JAKMIP2: variants seen among roughly 807,000 people sequenced by gnomAD.
JAKMIP2 encodes janus kinase and microtubule-interacting protein 2.
JAKMIP2 carries 25 observed loss-of-function variants against 115.0 expected under a neutral mutation model. The ratio of observed to expected loss-of-function variants is 0.22; its 90% CI spans 0.16 to 0.30. The LOEUF (loss-of-function observed/expected upper bound fraction) is 0.30. JAKMIP2 is among the 10% of genes least tolerant of loss of function. JAKMIP2 has a pLI of 1.00. For synonymous variants in JAKMIP2, 334 were observed against 343.6 expected (o/e 0.97, Z 0.31); for missense variants, 642 against 957.6 (o/e 0.67, Z 4.35).
rs192952664 is a variant in JAKMIP2, at chr5:147,734,669, C to T, written c.-149+47787G>A. On this transcript the variant is annotated intron_variant, in intron 1 of 21. Transcript: ENST00000616793. ...CTATAATACAAAAAAAAAAAAGGAA[C>T]GCCTTTTTGTTTTTGTATTTATTTG... Among the ~76,000 whole-genome samples, 7 of 151,260 alleles carry T rather than the reference C, an allele frequency of 4.6e-5. No individual in the cohort carries two copies. In the East Asian group the frequency reaches 1.4e-3, roughly 29 times the overall value.
intron 1 of JAKMIP2, among the ~76,000 whole-genome samples, chr5:147,690,456 T>C (rs1288703148): frequency 1.3e-5 from 2 of 150,206 alleles, no homozygotes; most frequent in Non-Finnish European, 1.5e-5. Context: ...CCAATGAGGC[T>C]AGTTGCACCT....
In JAKMIP2 at chr5:147,644,171, G is replaced by T. The variant is rs766979419; in HGVS notation, c.1111C>A (p.Leu371Met). The T allele has an allele frequency of 6.3e-7, 1 of 1,593,094 alleles. No homozygotes were observed. Among genetic ancestry groups the T allele is most frequent in the South Asian group, 1.1e-5 (1 of 88,234 alleles). The change falls in exon 7 of 22, where the codon CTG becomes ATG. Residue 371 changes from leucine (L) to methionine (M), a missense_variant. By Grantham distance (15) the Leu-to-Met change is conservative. Around this residue, in one of 6 missense-constraint regions of JAKMIP2, gnomAD observed 439 missense variants for 570.9 expected, o/e 0.77. Coordinates refer to ENST00000616793, the MANE Select transcript of JAKMIP2 (RefSeq NM_001270941.2). ...TCATTCAGAGATTTTAATTTCTTCA[G>T]GGGTGGATGGGATGTTATTTTTTCT... ...MREKITSHPP[L>M]KKLKSLNDLD...
chr5:147,594,919 T>C (rs1055817855), intron 21 of JAKMIP2, among the ~76,000 whole-genome samples: 2 of 152,146 alleles, frequency 1.3e-5, no homozygotes, highest in African/African-American at 4.8e-5. Flanking sequence ...GTATGAAATG[T>C]AACTGAAGCT....
intron 1 of JAKMIP2, among the ~76,000 whole-genome samples, chr5:147,734,951 T>G (rs1002509173): frequency 6.6e-6 from 1 of 152,136 alleles, no homozygotes; most frequent in Non-Finnish European, 1.5e-5. Flanking sequence ...TAGACACCTA[T>G]TTAAGAGTGA....
intron 1 of JAKMIP2, among the ~76,000 whole-genome samples, chr5:147,781,276 TACA>T (rs147286691): frequency 0.017 from 2,638 of 152,252 alleles, 95 homozygotes; most frequent in African/African-American, 0.061. Flanking sequence ...AGACCCTTAA[TACA>T]ACATCTGAGA....
rs528153522 is a variant in JAKMIP2 at position 147,690,969 on chromosome 5, G to A, written c.-148-19015C>T. Among the ~76,000 whole-genome samples the A allele has an allele frequency of 9.2e-5, 14 of 152,160 alleles. No homozygotes were observed. In the South Asian group the frequency reaches 2.3e-3, roughly 25 times the overall value. On this transcript the variant is annotated intron_variant, in intron 1 of 21. Coordinates refer to ENST00000616793, the MANE Select transcript of JAKMIP2 (RefSeq NM_001270941.2). The stretch of plus-strand genomic sequence containing the variant: ...CTCCAACACCTTCCTGGGGGTAGGT[G>A]CCTGAAGCTCTATTCTGGTCTCCTT...
intron 20 of JAKMIP2, among the ~76,000 whole-genome samples, chr5:147,604,124 C>T (rs1561841805): frequency 6.6e-6 from 1 of 152,168 alleles, no homozygotes; most frequent in Non-Finnish European, 1.5e-5. Context: ...AACAGGGAAG[C>T]TGAAAGCAAT....
intron 3 of JAKMIP2, among the ~76,000 whole-genome samples, chr5:147,656,826 G>T (rs540403275): frequency 5.3e-5 from 8 of 152,134 alleles, no homozygotes; most frequent in African/African-American, 1.9e-4. Context: ...GCAAGTACTG[G>T]TTTTTTCTTT....
chr5:147,618,177 G>T (rs1241727835), intron 18 of JAKMIP2, 63 bp from the exon 19 acceptor site: 1 of 1,103,474 alleles, frequency 9.1e-7, no homozygotes, highest in Non-Finnish European at 1.4e-6. Context: ...GTGTGGGAGT[G>T]TATGCTATGT....
intron 1 of JAKMIP2, among the ~76,000 whole-genome samples, chr5:147,700,349 T>C (rs191281256): frequency 2.0e-5 from 3 of 152,162 alleles, no homozygotes; most frequent in Admixed American, 1.3e-4. Context: ...TGGTAAACAT[T>C]AGGTTAGATA....
intron 1 of JAKMIP2, among the ~76,000 whole-genome samples, chr5:147,740,510 T>A (rs989001369): frequency 1.5e-4 from 23 of 152,222 alleles, no homozygotes; most frequent in African/African-American, 5.5e-4. Context: ...GGCTGGAACC[T>A]GGTAGTTGTG....
At chr5:147,668,332 T>C (rs192317749) in intron 2 of JAKMIP2, among the ~76,000 whole-genome samples, 1 of 152,188 alleles carries the variant, frequency 6.6e-6, no homozygotes, top group Admixed American at 6.5e-5. Flanking sequence ...GGCATGTTCA[T>C]ACACACTAAC....
At chr5:147,663,897 T>G (rs899319416) in intron 2 of JAKMIP2, among the ~76,000 whole-genome samples, 1 of 152,150 alleles carries the variant, frequency 6.6e-6, no homozygotes, top group Admixed American at 6.5e-5. Context: ...CTTGTGCTTG[T>G]CCTATGTGGC....
intron 2 of JAKMIP2, among the ~76,000 whole-genome samples, chr5:147,670,958 T>A (rs978366457): frequency 2.0e-5 from 3 of 152,220 alleles, no homozygotes; most frequent in African/African-American, 7.2e-5. Context: ...TGAAATAAGC[T>A]AAGAATAGGC....
intron 16 of JAKMIP2, among the ~76,000 whole-genome samples, chr5:147,624,093 A>G (rs1281646179): frequency 6.6e-6 from 1 of 152,070 alleles, no homozygotes. Context: ...TCAGCCTCCC[A>G]AAGTGCTGTG....
chr5:147,696,118 A>G (rs1752097414), intron 1 of JAKMIP2, among the ~76,000 whole-genome samples: 1 of 152,182 alleles, frequency 6.6e-6, no homozygotes, highest in African/African-American at 2.4e-5. Context: ...ACATATACTG[A>G]GTGCCAACCA....
chr5:147,763,307 A>G (rs1364712357), intron 1 of JAKMIP2, among the ~76,000 whole-genome samples: 1 of 152,150 alleles, frequency 6.6e-6, no homozygotes, highest in African/African-American at 2.4e-5. Context: ...ATGGATAGAT[A>G]AAACTCCCAG....
chr5:147,712,724 C>T (rs1000986588), intron 1 of JAKMIP2, among the ~76,000 whole-genome samples: 5 of 152,182 alleles, frequency 3.3e-5, no homozygotes, highest in Admixed American at 6.6e-5. Context: ...ATTTTGACAT[C>T]GTAACCACAC....
rs754546479 is a variant in JAKMIP2, at chr5:147,644,831, CAG to C, written c.1083+17_1083+18del. 4 of 1,600,404 alleles carry C rather than the reference CAG, an allele frequency of 2.5e-6. No homozygotes were observed. The highest frequency in any genetic ancestry group is 3.4e-6 in the Non-Finnish European group (4 of 1,175,480). Reference sequence around the variant, plus strand: ...TATAATCAAGGAAGCTGCAGTTTTGCAGAGTCTGTGATACACACCATTTCTGA... The same window carrying C: ...TATAATCAAGGAAGCTGCAGTTTTGCAGTCTGTGATACACACCATTTCTGA... On this transcript the variant is annotated intron_variant, in intron 6 of 21. Transcript: ENST00000616793.
Sources: allele counts gnomAD v4.1 joint callset (sites outside exome capture counted in the v4.1 genomes callset), GRCh38; gene constraint gnomAD v4.1.1; regional missense constraint gnomAD v4.1.1; transcripts MANE v1.5; gene names NCBI Gene and HGNC (gene_info 2026-07-23, HGNC 2026-07-21).